Variants in MDM1 observed in about 807,000 individuals in gnomAD.
MDM1 encodes Mdm1 nuclear protein.
Under a neutral mutation model 89.1 loss-of-function variants are expected in MDM1, and 61 were observed. That is an observed-to-expected ratio of 0.68 (90% CI 0.56 to 0.85). The LOEUF is 0.85. Ranked by LOEUF, MDM1 falls within the 40% of genes least tolerant of loss-of-function variation. The probability of loss-of-function intolerance (pLI) is 0.00; values close to 1 mark genes in which losing one functional copy is unlikely to be tolerated. For synonymous variants in MDM1, 290 were observed against 294.1 expected (o/e 0.99, Z 0.14); for missense variants, 820 against 846.5 (o/e 0.97, Z 0.39).
chr12:68,300,813 C>T (rs2120762491), intron 13 of MDM1, among the ~76,000 whole-genome samples: 1 of 152,294 alleles, frequency 6.6e-6, no homozygotes, highest in Middle Eastern at 3.4e-3. Context: ...AACAAATGGA[C>T]TTAACAGATA....
intron 12 of MDM1, among the ~76,000 whole-genome samples, chr12:68,305,330 T>G (rs1051444596): frequency 2.6e-5 from 4 of 151,974 alleles, no homozygotes; most frequent in Non-Finnish European, 5.9e-5. Context: ...TGGGCAAAGG[T>G]GAAAGCATCC....
At chr12:68,318,870 T>C (rs894718050) in intron 7 of MDM1, among the ~76,000 whole-genome samples, 4 of 152,166 alleles carry the variant, frequency 2.6e-5, no homozygotes, top group Middle Eastern at 3.2e-3. Flanking sequence ...TTAAAACATA[T>C]GCAGAAAATT....
intron 12 of MDM1, among the ~76,000 whole-genome samples, chr12:68,304,788 G>A (rs1371520340): frequency 6.6e-6 from 1 of 152,202 alleles, no homozygotes; most frequent in East Asian, 1.9e-4. Flanking sequence ...TCAGCCCTGT[G>A]TACAGCAGTT....
intron 4 of MDM1, among the ~76,000 whole-genome samples, chr12:68,324,469 A>AT (rs1404649709): frequency 6.6e-6 from 1 of 152,152 alleles, no homozygotes; most frequent in East Asian, 1.9e-4. Flanking sequence ...TTTCAAAGGT[A>AT]TTTTAAAAAT....
chr12:68,315,273 A>G lies in MDM1; in HGVS notation c.1212-8T>C. 2 of 1,596,758 alleles carry G rather than the reference A, an allele frequency of 1.3e-6. No individual in the cohort carries two copies. Among genetic ancestry groups the G allele is most frequent in the Non-Finnish European group, 1.7e-6 (2 of 1,171,610 alleles). On this transcript the variant is annotated splice_polypyrimidine_tract_variant and splice_region_variant and intron_variant, in intron 9 of 14. Coordinates refer to ENST00000682720, the MANE Select transcript of MDM1 (RefSeq NM_001354969.2). ...TTATGGCTTGTAGGATCTCTGCGTA[A>G]CAAAATCAATTTTATTTTAAATGTG...
intron 12 of MDM1, among the ~76,000 whole-genome samples, chr12:68,306,456 G>A (rs111744233): frequency 6.6e-6 from 1 of 152,076 alleles, no homozygotes; most frequent in African/African-American, 2.4e-5. Context: ...CAGAGTAAAC[G>A]GACATCTTAC....
intron 5 of MDM1, among the ~76,000 whole-genome samples, chr12:68,322,489 C>T (rs1419350445): frequency 6.6e-6 from 1 of 152,074 alleles, no homozygotes; most frequent in Non-Finnish European, 1.5e-5. Context: ...CAAAAATTAG[C>T]CGGGCATGGT....
chr12:68,309,351 A>G (rs752713898), intron 12 of MDM1, among the ~76,000 whole-genome samples: 1 of 152,230 alleles, frequency 6.6e-6, no homozygotes, highest in Non-Finnish European at 1.5e-5. Flanking sequence ...TTTTCAAAGA[A>G]GCATCATTGA....
intron 12 of MDM1, among the ~76,000 whole-genome samples, chr12:68,307,674 T>C (rs139579729): frequency 1.8e-4 from 28 of 151,762 alleles, no homozygotes; most frequent in African/African-American, 5.1e-4. Context: ...GTGGTGGTTG[T>C]AACCTGTAAT....
Position 68,323,084 on chromosome 12 carries a change from G to A in MDM1, c.790C>T (p.Pro264Ser), listed in dbSNP as rs200011845. ...AAGTTGATGAATACCTTCCTTTCAG[G>A]AGACACTGTTTCAAGATTTCTGTTT... Reference protein sequence around the residue: ...RENRNLETVSPERKSNKIDDR... With the variant: ...RENRNLETVSSERKSNKIDDR... Residue 264 changes from proline (P) to serine (S), a missense_variant, in exon 5 of 15, where the codon CCT becomes TCT. Pro to Ser is a moderately conservative substitution (Grantham distance 74). Transcript: ENST00000682720. 1 of 1,605,786 alleles carries A rather than the reference G, an allele frequency of 6.2e-7. No homozygotes were observed. Among genetic ancestry groups the A allele is most frequent in the Non-Finnish European group, 8.5e-7 (1 of 1,177,546 alleles).
chr12:68,326,763 G>A lies in MDM1; in HGVS notation c.392C>T (p.Ala131Val). ...ACCCTCATTATTTTCCACATCTGAA[G>A]CCCCTTCAGCTCTGGAGTCTGCAGA... ...SHSADSRAEG[A>V]SDVENNEGVT... The change falls in exon 3 of 15, where the codon GCT (alanine) becomes GTT (valine). Residue 131 changes from alanine to valine, a missense_variant. Coordinates refer to ENST00000682720, the MANE Select transcript of MDM1 (RefSeq NM_001354969.2). 6.2e-7 allele frequency: 1 copy of A among 1,614,058 alleles called. No individual in the cohort carries two copies. Among genetic ancestry groups the A allele is most frequent in the Non-Finnish European group, 8.5e-7 (1 of 1,179,984 alleles).
chr12:68,320,248 G>A (rs1004712467), intron 7 of MDM1, among the ~76,000 whole-genome samples: 7 of 152,090 alleles, frequency 4.6e-5, no homozygotes, highest in Admixed American at 6.5e-5. Flanking sequence ...CTTCCATCAC[G>A]GGTGCTTTCG....
intron 4 of MDM1, chr12:68,325,194 C>T: frequency 9.1e-7 from 1 of 1,102,622 alleles, no homozygotes; most frequent in South Asian, 4.4e-5. Flanking sequence ...TTTTCATTAC[C>T]CTGTCTCATA....
chr12:68,300,306 AAC>A lies in MDM1; in HGVS notation c.2002+2312_2002+2313del, dbSNP rs1871965995. On this transcript the variant is annotated intron_variant, in intron 13 of 14. Coordinates refer to ENST00000682720, the MANE Select transcript of MDM1 (RefSeq NM_001354969.2). ...AAAACAAAGTATCTAAGTAACAACT[AAC>A]ACAGTGAATAGAACAGTACCTCACG... Among the ~76,000 whole-genome samples the A allele has an allele frequency of 2.6e-5, 4 of 152,312 alleles. No homozygotes were observed. In the South Asian group the frequency reaches 6.2e-4, roughly 24 times the overall value.
In MDM1 at chr12:68,332,242, G is replaced by A. The variant is rs866555808; in HGVS notation, c.4C>T (p.Pro2Ser). M[P>S]VRFKGLSEYQ... Reference sequence around the variant, plus strand: ...CCCAGCCTCACCTTGAAGCGCACCGGCATGTCGCCCGGCGCCGGAGCCCCC... The same window carrying A: ...CCCAGCCTCACCTTGAAGCGCACCGACATGTCGCCCGGCGCCGGAGCCCCC... The change falls in exon 1 of 15, where the codon CCG becomes TCG. Residue 2 changes from proline (P) to serine (S), a missense_variant. Pro to Ser is a moderately conservative substitution (Grantham distance 74). Coordinates refer to ENST00000682720, the MANE Select transcript of MDM1 (RefSeq NM_001354969.2). 19 of 1,582,160 alleles carry A rather than the reference G, an allele frequency of 1.2e-5. No individual in the cohort carries two copies. Among genetic ancestry groups the A allele is most frequent in the Non-Finnish European group, 1.6e-5 (19 of 1,165,190 alleles).
At chr12:68,329,407 T>C (rs1221850738) in intron 2 of MDM1, among the ~76,000 whole-genome samples, 1 of 152,228 alleles carries the variant, frequency 6.6e-6, no homozygotes, top group Non-Finnish European at 1.5e-5. Flanking sequence ...AGTCTTTTCC[T>C]GGCTTCAAAC....
At chr12:68,327,259 C>T (rs1876138614) in intron 2 of MDM1, 4 of 1,406,106 alleles carry the variant, frequency 2.8e-6, no homozygotes, top group South Asian at 3.5e-5. Flanking sequence ...AATTAAAAAT[C>T]AGGGGGTCAC....
intron 12 of MDM1, among the ~76,000 whole-genome samples, chr12:68,305,102 G>GAAA (rs1283545078): frequency 6.6e-6 from 1 of 152,064 alleles, no homozygotes; most frequent in African/African-American, 2.4e-5. Flanking sequence ...GTGTTAAGGA[G>GAAA]AAATCCTTTC....
intron 10 of MDM1, 91 bp from the exon 11 acceptor site, chr12:68,313,844 T>C (rs1454546320): frequency 2.4e-5 from 28 of 1,187,168 alleles, no homozygotes; most frequent in Non-Finnish European, 3.3e-5. Flanking sequence ...AATAATAAAG[T>C]ATAAAACTTG....
Sources: gnomAD v4.1 joint callset for allele counts (sites outside exome capture counted in the v4.1 genomes callset) on GRCh38, gnomAD v4.1.1 for gene constraint, MANE v1.5 for transcripts, NCBI Gene and HGNC (gene_info 2026-07-23, HGNC 2026-07-21) for gene names.